The following UFM1 variants were observed in gnomAD, a reference collection of about 807,000 sequenced individuals.
UFM1 encodes ubiquitin-fold modifier 1.
A neutral mutation model predicts 15.4 loss-of-function variants in UFM1; 9 were observed. That is an observed-to-expected ratio of 0.59 (90% CI 0.35 to 1.02). UFM1 has a LOEUF of 1.02. Ranked by LOEUF, UFM1 falls within the 50% of genes least tolerant of loss-of-function variation. The pLI, the probability that UFM1 is intolerant of heterozygous loss-of-function variation, is 0.02. For missense variants in UFM1, 98 were observed against 104.7 expected, an observed-to-expected ratio of 0.94 and a Z score of 0.28; for synonymous variants, 27 against 36.3, an observed-to-expected ratio of 0.74 and a Z score of 0.92.
rs963953852 is a variant in UFM1 at position 38,362,699 on chromosome 13, G to A, written c.*1921G>A. ...AGGAATTTATGAACACCCATTTCCT[G>A]ACTTTTTGCTTTAATTTAGATTTTT... On this transcript the variant is annotated 3_prime_UTR_variant, in exon 6 of 6. Coordinates refer to ENST00000239878, the MANE Select transcript of UFM1 (RefSeq NM_016617.4). 1 of 151,962 alleles carries A rather than the reference G, an allele frequency of 6.6e-6. No homozygotes were observed. Among genetic ancestry groups the A allele is most frequent in the African/African-American group, 2.4e-5 (1 of 41,398 alleles). The allele number at this position is 151,962 out of a possible 1,614,324, so 9.4% of individuals were successfully genotyped here.
chr13:38,358,882 G>A (rs1415981959), intron 4 of UFM1, among the ~76,000 whole-genome samples: 2 of 152,018 alleles, frequency 1.3e-5, no homozygotes, highest in East Asian at 1.9e-4. Flanking sequence ...ACTTAGTAAC[G>A]TGTTGAACTA....
At chr13:38,359,075 T>A (rs888907862) in intron 4 of UFM1, among the ~76,000 whole-genome samples, 1 of 152,072 alleles carries the variant, frequency 6.6e-6, no homozygotes, top group Non-Finnish European at 1.5e-5. Context: ...GATCATTGCA[T>A]TGACAGACGT....
Position 38,361,364 on chromosome 13 carries a change from T to C in UFM1, c.*586T>C. On this transcript the variant is annotated 3_prime_UTR_variant, in exon 6 of 6. Coordinates refer to ENST00000239878, the MANE Select transcript of UFM1 (RefSeq NM_016617.4). ...AATATCAACCAAAAAATTAAAATTT[T>C]AATCTAACCCTTATGTGTATAAATT... 6.6e-6 allele frequency: 1 copy of C among 152,346 alleles called. No individual in the cohort carries two copies. The highest frequency in any genetic ancestry group is 6.5e-5 in the Admixed American group (1 of 15,302). 9.4% of individuals were successfully genotyped at this position (152,346 alleles called of 1,614,324 possible).
chr13:38,351,619 C>T (rs1244451997), intron 2 of UFM1, among the ~76,000 whole-genome samples: 1 of 152,182 alleles, frequency 6.6e-6, no homozygotes, highest in Non-Finnish European at 1.5e-5. Flanking sequence ...AGATGGAGTC[C>T]AGTGCCCCCT....
Position 38,354,289 on chromosome 13 carries a change from C to T in UFM1, c.110C>T (p.Ala37Val). The change falls in exon 3 of 6, where the codon GCA (alanine) becomes GTA (valine). Residue 37 changes from alanine (A) to valine (V), a missense_variant. Physicochemically the swap from Ala to Val is moderately conservative, Grantham distance 64. Coordinates refer to ENST00000239878, the MANE Select transcript of UFM1 (RefSeq NM_016617.4). ...TPFTAVLKFAAEEFKVPAATS... is the reference protein window; with the variant it reads ...TPFTAVLKFAVEEFKVPAATS... ...TTCACAGCAGTCTTAAAGTTTGCAG[C>T]AGAAGAAGTAAGTACAGAAGTTGGA... 1 of 1,610,124 alleles carries T rather than the reference C, an allele frequency of 6.2e-7. No homozygotes were observed.
intron 3 of UFM1, among the ~76,000 whole-genome samples, chr13:38,356,941 A>G (rs1879127648): frequency 6.6e-6 from 1 of 151,912 alleles, no homozygotes; most frequent in South Asian, 2.1e-4. Flanking sequence ...CACTTTGGCA[A>G]CTGCTGGTCT....
chr13:38,358,162 C>A, intron 4 of UFM1, 30 bp downstream of exon 4: 1 of 1,349,444 alleles, frequency 7.4e-7, no homozygotes, highest in Non-Finnish European at 9.9e-7. Context: ...TTATGTATTA[C>A]CTCAAATTTA....
rs752788074 is a variant in UFM1 at position 38,349,875 on chromosome 13, C to G, written c.-45C>G. The G allele has an allele frequency of 6.2e-7, 1 of 1,614,120 alleles. No homozygotes were observed. ...CAGCACACTAGAGGAAGTCGTGCTA[C>G]CCCCGCGGAGTTGTCGTGTGTTCTG... On this transcript the variant is annotated 5_prime_UTR_variant, in exon 1 of 6. Coordinates refer to ENST00000239878, the MANE Select transcript of UFM1 (RefSeq NM_016617.4).
chr13:38,349,883 G>C lies in UFM1; in HGVS notation c.-37G>C, dbSNP rs762416776. On this transcript the variant is annotated 5_prime_UTR_variant, in exon 1 of 6. Coordinates refer to ENST00000239878, the MANE Select transcript of UFM1 (RefSeq NM_016617.4). The stretch of plus-strand genomic sequence containing the variant: ...TAGAGGAAGTCGTGCTACCCCCGCG[G>C]AGTTGTCGTGTGTTCTGGATTCATT... 6.2e-7 allele frequency: 1 copy of C among 1,614,160 alleles called. No homozygotes were observed. Among genetic ancestry groups the C allele is most frequent in the East Asian group, 2.2e-5 (1 of 44,848 alleles).
rs780280545 is a variant in UFM1 at position 38,354,243 on chromosome 13, A to G, written c.64A>G (p.Ser22Gly). ...SDPRLPYKVL[S>G]VPESTPFTAV... ...GTTTTAAAATTCTTCTTGCAGACTC[A>G]GTGTTCCTGAAAGTACACCTTTCAC... Residue 22 changes from serine (S) to glycine (G), a missense_variant, in exon 3 of 6, where the codon AGT (serine) becomes GGT (glycine). Physicochemically the swap from Ser to Gly is moderately conservative, Grantham distance 56 (BLOSUM62 0). Transcript: ENST00000239878. 1 of 1,609,428 alleles carries G rather than the reference A, an allele frequency of 6.2e-7. No individual in the cohort carries two copies. Among genetic ancestry groups the G allele is most frequent in the South Asian group, 1.1e-5 (1 of 90,520 alleles).
At chr13:38,354,112 A>G (rs1878980521) in intron 2 of UFM1, 127 bp from the exon 3 acceptor site, 2 of 720,302 alleles carry the variant, frequency 2.8e-6, no homozygotes, top group Non-Finnish European at 4.6e-6. Flanking sequence ...TGCAATCAAA[A>G]TCACTAACTT....
At chr13:38,359,183 G>C in intron 4 of UFM1, 118 bp from the exon 5 acceptor site, 1 of 724,420 alleles carries the variant, frequency 1.4e-6, no homozygotes, top group Non-Finnish European at 2.3e-6. Context: ...TGGATTTAAA[G>C]TGTTTGGCTT....
intron 2 of UFM1, among the ~76,000 whole-genome samples, chr13:38,353,769 T>C (rs1273185451): frequency 6.6e-6 from 1 of 152,068 alleles, no homozygotes; most frequent in Admixed American, 6.5e-5. Context: ...ACACAGAAGG[T>C]TCATCAAAAG....
intron 5 of UFM1, 106 bp from the exon 6 acceptor site, chr13:38,360,605 C>A (rs1879324117): frequency 2.5e-6 from 2 of 811,454 alleles, no homozygotes; most frequent in African/African-American, 1.8e-5. Context: ...AGCTTTTGTA[C>A]CCATTTTACT....
Position 38,359,027 on chromosome 13 carries a change from A to G in UFM1, c.158-274A>G, listed in dbSNP as rs563101318. On this transcript the variant is annotated intron_variant, in intron 4 of 5. Transcript: ENST00000239878. The stretch of plus-strand genomic sequence containing the variant: ...CATTATTTTTAATTCTATATGGCAA[A>G]ATAGAATTAATAACCTATATTCCAT... 2.2e-4 allele frequency among the ~76,000 whole-genome samples: 33 copies of G among 152,146 alleles called. 1 individual carries two copies. Among genetic ancestry groups the G allele is most frequent in the Middle Eastern group, 6.8e-3 (2 of 294 alleles).
rs1879460938 is a variant in UFM1, at chr13:38,362,526, G to A, written c.*1748G>A. ...CAGGCTTCTCCTGCCTCAGCCTCACGAGTAGCTGGGACTACAGGCATGCAC... is the reference window on the plus strand; with the variant it reads ...CAGGCTTCTCCTGCCTCAGCCTCACAAGTAGCTGGGACTACAGGCATGCAC... On this transcript the variant is annotated 3_prime_UTR_variant, in exon 6 of 6. Coordinates refer to ENST00000239878, the MANE Select transcript of UFM1 (RefSeq NM_016617.4). 3.4e-5 allele frequency: 5 copies of A among 149,250 alleles called. No homozygotes were observed. The highest frequency in any genetic ancestry group is 2.1e-4 in the South Asian group (1 of 4,698). 9.2% of individuals were successfully genotyped at this position (149,250 alleles called of 1,614,324 possible).
At chr13:38,350,360 G>A (rs1878780771) in intron 2 of UFM1, 1 of 953,416 alleles carries the variant, frequency 1.0e-6, no homozygotes, top group Admixed American at 2.1e-5. Context: ...GGTGGACCAG[G>A]TTCTGGTAAT....
rs752788074 is a variant in UFM1, at chr13:38,349,875, C to T, written c.-45C>T. 1 of 1,614,120 alleles carries T rather than the reference C, an allele frequency of 6.2e-7. No homozygotes were observed. ...CAGCACACTAGAGGAAGTCGTGCTA[C>T]CCCCGCGGAGTTGTCGTGTGTTCTG... On this transcript the variant is annotated 5_prime_UTR_variant, in exon 1 of 6. Transcript: ENST00000239878.
intron 3 of UFM1, among the ~76,000 whole-genome samples, chr13:38,357,580 G>C (rs142202675): frequency 1.3e-5 from 2 of 151,604 alleles, no homozygotes; most frequent in Non-Finnish European, 3.0e-5. Flanking sequence ...GGAGTTAGGG[G>C]TTCCAACCCC....
Sources: gnomAD v4.1 joint callset for allele counts (sites outside exome capture counted in the v4.1 genomes callset) on GRCh38, gnomAD v4.1.1 for gene constraint, MANE v1.5 for transcripts, NCBI Gene and HGNC (gene_info 2026-07-23, HGNC 2026-07-21) for gene names.